The following ZNF337 variants were observed in gnomAD, a reference collection of about 807,000 sequenced individuals.
ZNF337 encodes the protein zinc finger protein 337.
ZNF337 carries 8 observed loss-of-function variants against 12.1 expected under a neutral mutation model. The observed-to-expected ratio is 0.66, with a 90% CI of 0.39 to 1.19. ZNF337 has a LOEUF of 1.19. Ranked by LOEUF, ZNF337 falls within the 50% of genes most tolerant of loss-of-function variation. The pLI, the probability that ZNF337 is intolerant of heterozygous loss-of-function variation, is 0.01. For missense variants in ZNF337, 882 were observed against 896.6 expected (o/e 0.98, Z 0.21); for synonymous variants, 336 against 320.0 (o/e 1.05, Z -0.53).
chr20:25,682,155 G>C (rs2065775992), intron 4 of ZNF337, among the ~76,000 whole-genome samples: 2 of 152,028 alleles, frequency 1.3e-5, no homozygotes, highest in South Asian at 2.1e-4. Flanking sequence ...AGTTAAATGA[G>C]GGTTACAGTC....
chr20:25,696,823 C>T lies in ZNF337; in HGVS notation c.-114G>A, dbSNP rs1156365251. On this transcript the variant is annotated 5_prime_UTR_variant, in exon 1 of 5. Coordinates refer to ENST00000252979, the MANE Select transcript of ZNF337 (RefSeq NM_015655.4). ...ATGGTGGACCACGCATCTCACGGCT[C>T]GCTGACGCCCAGGGATCTGGAACGC... 2 of 985,500 alleles carry T rather than the reference C, an allele frequency of 2.0e-6. No individual in the cohort carries two copies. Among genetic ancestry groups the T allele is most frequent in the Non-Finnish European group, 2.4e-6 (2 of 829,964 alleles). 61.0% of individuals were successfully genotyped at this position (985,500 alleles called of 1,614,324 possible). A position where few individuals can be genotyped will look rare whatever the true frequency, so the allele number is the denominator to read the frequency against.
rs2065638320 is a variant in ZNF337 at position 25,673,404 on chromosome 20, A to AAT, written c.*1627_*1628insAT. On this transcript the variant is annotated 3_prime_UTR_variant, in exon 5 of 5. Coordinates refer to ENST00000252979, the MANE Select transcript of ZNF337 (RefSeq NM_015655.4). Reference sequence around the variant, plus strand: ...CAGCTATGTAGGGCACATGCTCATTAAGCTGGCCTTAATTGTGAAGGTTCT... The same window carrying AAT: ...CAGCTATGTAGGGCACATGCTCATTAATAGCTGGCCTTAATTGTGAAGGTTCT... 6.6e-6 allele frequency among the ~76,000 whole-genome samples: 1 copy of AAT among 152,166 alleles called. No individual in the cohort carries two copies. Among genetic ancestry groups the AAT allele is most frequent in the Admixed American group, 6.6e-5 (1 of 15,256 alleles).
intron 1 of ZNF337, among the ~76,000 whole-genome samples, chr20:25,689,852 A>T (rs1024478668): frequency 6.6e-6 from 1 of 152,200 alleles, no homozygotes; most frequent in African/African-American, 2.4e-5. Context: ...TTTACAGAAA[A>T]AGCATTAATC....
In ZNF337 at chr20:25,676,154, G is replaced by A; in HGVS notation, c.1134C>T (p.Cys378=). The change falls in exon 5 of 5, where the codon TGC becomes TGT. Residue 378 remains cysteine (C), a synonymous_variant. Transcript: ENST00000252979. The part of the protein sequence containing the change: ...RTHSGEKPFA[C]RQCKQSFSVK... ...CGCTAAAACTTTGCTTACACTGCCT[G>A]CACGCAAAGGGCTTCTCCCCTGAGT... The A allele has an allele frequency of 1.2e-6, 2 of 1,611,058 alleles. No homozygotes were observed. Among genetic ancestry groups the A allele is most frequent in the South Asian group, 1.1e-5 (1 of 90,678 alleles).
intron 4 of ZNF337, among the ~76,000 whole-genome samples, chr20:25,683,448 A>C (rs1159851100): frequency 6.6e-6 from 1 of 152,110 alleles, no homozygotes; most frequent in East Asian, 1.9e-4. Flanking sequence ...AGCTATGGGA[A>C]TTGAAGAAGG....
intron 1 of ZNF337, among the ~76,000 whole-genome samples, chr20:25,696,089 C>T (rs1434949211): frequency 5.8e-5 from 3 of 51,634 alleles, no homozygotes; most frequent in Non-Finnish European, 1.1e-4. Flanking sequence ...CACGCAGATC[C>T]CCCCCCCCCC....
intron 1 of ZNF337, among the ~76,000 whole-genome samples, chr20:25,696,087 T>TCCCCCCCCCCCCCCCCCCCC (rs149644721): frequency 3.8e-5 from 2 of 52,106 alleles, no homozygotes; most frequent in African/African-American, 1.3e-4. Flanking sequence ...CCCACGCAGA[T>TCCCCCCCCCCCCCCCCCCCC]CCCCCCCCCC....
Position 25,676,033 on chromosome 20 carries a change from G to C in ZNF337, c.1255C>G (p.Leu419Val). 6.2e-7 allele frequency: 1 copy of C among 1,614,040 alleles called. No homozygotes were observed. Among genetic ancestry groups the C allele is most frequent in the Non-Finnish European group, 8.5e-7 (1 of 1,179,990 alleles). Residue 419 changes from leucine to valine, a missense_variant, in exon 5 of 5, where the codon CTT (leucine) becomes GTT (valine). Coordinates refer to ENST00000252979, the MANE Select transcript of ZNF337 (RefSeq NM_015655.4). ...CERSFSQKSTLVYHQRTHSGE... is the reference protein window; with the variant it reads ...CERSFSQKSTVVYHQRTHSGE... The stretch of plus-strand genomic sequence containing the variant: ...GAGTGTGTTCTCTGGTGGTAGACAA[G>C]AGTTGACTTTTGGCTAAAGCTTCGC...
At chr20:25,690,027 T>C (rs1296405863) in intron 1 of ZNF337, among the ~76,000 whole-genome samples, 1 of 152,230 alleles carries the variant, frequency 6.6e-6, no homozygotes, top group Non-Finnish European at 1.5e-5. Flanking sequence ...GGCTTATTCC[T>C]GTAATCCCAG....
In ZNF337 at chr20:25,686,422, G is replaced by C; in HGVS notation, c.-5C>G. The C allele has an allele frequency of 6.2e-7, 1 of 1,614,068 alleles. No individual in the cohort carries two copies. Among genetic ancestry groups the C allele is most frequent in the African/African-American group, 1.3e-5 (1 of 75,054 alleles). On this transcript the variant is annotated 5_prime_UTR_variant, in exon 2 of 5. Coordinates refer to ENST00000252979, the MANE Select transcript of ZNF337 (RefSeq NM_015655.4). Reference sequence around the variant, plus strand: ...CCTGGCTCCCTGAGGTCCCATGACTGTCTTCCTGCTCTCCACGGAGAAGGG... The same window carrying C: ...CCTGGCTCCCTGAGGTCCCATGACTCTCTTCCTGCTCTCCACGGAGAAGGG...
intron 1 of ZNF337, among the ~76,000 whole-genome samples, 158 bp downstream of exon 1, chr20:25,696,601 G>A (rs1647182786): frequency 6.6e-6 from 1 of 152,240 alleles, no homozygotes; most frequent in African/African-American, 2.4e-5. Flanking sequence ...TCAAGGCGCG[G>A]CCTGGGTCTC....
intron 4 of ZNF337, chr20:25,678,046 T>C (rs1038908132): frequency 1.3e-5 from 2 of 152,050 alleles, no homozygotes; most frequent in Non-Finnish European, 2.9e-5. Flanking sequence ...GTCAGAACTA[T>C]GGTAAGAGAA....
In ZNF337 at chr20:25,691,527, T is replaced by A. The variant is rs184701933; in HGVS notation, c.-49-5061A>T. ...GAAACCAGCTTCAGGAACACAGGACTGGCAGGGGGAGAGAAGTTAAGAATA... is the reference window on the plus strand; with the variant it reads ...GAAACCAGCTTCAGGAACACAGGACAGGCAGGGGGAGAGAAGTTAAGAATA... On this transcript the variant is annotated intron_variant, in intron 1 of 4. Coordinates refer to ENST00000252979, the MANE Select transcript of ZNF337 (RefSeq NM_015655.4). Among the ~76,000 whole-genome samples the A allele has an allele frequency of 4.6e-5, 7 of 152,290 alleles. No individual in the cohort carries two copies. In the East Asian group the frequency reaches 1.4e-3, roughly 29 times the overall value.
chr20:25,676,929 C>CCTT lies in ZNF337; in HGVS notation c.356_358dup (p.Glu119dup). ...CTTAGTGCTTTTTTCTTTCTCTTGA[C>CCTT]CTTCAGCTGTGTCACTCTGGAAGCT... On this transcript the variant is annotated inframe_insertion, in exon 5 of 5. Transcript: ENST00000252979. 6.2e-7 allele frequency: 1 copy of CCTT among 1,614,142 alleles called. No individual in the cohort carries two copies. Among genetic ancestry groups the CCTT allele is most frequent in the Non-Finnish European group, 8.5e-7 (1 of 1,180,030 alleles).
At chr20:25,686,281 C>T (rs2065832487) in intron 2 of ZNF337, 110 bp downstream of exon 2, 1 of 1,463,718 alleles carries the variant, frequency 6.8e-7, no homozygotes, top group Admixed American at 1.8e-5. Flanking sequence ...AGATCACTCC[C>T]CAGGAGCGGT....
intron 4 of ZNF337, among the ~76,000 whole-genome samples, chr20:25,684,319 A>C (rs2065801909): frequency 6.6e-6 from 1 of 151,964 alleles, no homozygotes. Context: ...TAACCTGCAC[A>C]TTGTGCACAT....
chr20:25,676,426 C>G lies in ZNF337; in HGVS notation c.862G>C (p.Gly288Arg), dbSNP rs769983601. 4.3e-6 allele frequency: 7 copies of G among 1,614,046 alleles called. No individual in the cohort carries two copies. The East Asian group carries it at 1.6e-4, about 36-fold the overall frequency. The part of the protein sequence containing the change: ...YLTVHERTHT[G>R]EKPYECQECG... ...TCCTGGCATTCATAAGGCTTCTCTCCTGTGTGTGTTCTCTCATGCACAGTG... is the reference window on the plus strand; with the variant it reads ...TCCTGGCATTCATAAGGCTTCTCTCGTGTGTGTGTTCTCTCATGCACAGTG... Residue 288 changes from glycine to arginine, a missense_variant, in exon 5 of 5, where the codon GGA becomes CGA. Physicochemically the swap from Gly to Arg is moderately radical, Grantham distance 125 (BLOSUM62 -2). Coordinates refer to ENST00000252979, the MANE Select transcript of ZNF337 (RefSeq NM_015655.4).
At chr20:25,685,539 GCT>G (rs1399187925) in intron 4 of ZNF337, 26 bp downstream of exon 4, 1 of 1,589,334 alleles carries the variant, frequency 6.3e-7, no homozygotes, top group East Asian at 2.2e-5. Context: ...AGTGCCTTGT[GCT>G]CTGTCTGCCC....
intron 4 of ZNF337, among the ~76,000 whole-genome samples, chr20:25,684,135 T>C (rs945107632): frequency 2.9e-5 from 4 of 136,812 alleles, no homozygotes; most frequent in African/African-American, 1.1e-4. Flanking sequence ...TTCTCACTCA[T>C]AGATGGGAAT....
Sources: gnomAD v4.1 joint callset for allele counts (sites outside exome capture counted in the v4.1 genomes callset) on GRCh38, gnomAD v4.1.1 for gene constraint, MANE v1.5 for transcripts, NCBI Gene and HGNC (gene_info 2026-07-23, HGNC 2026-07-21) for gene names.